Variants in AOPEP observed in about 807,000 individuals in gnomAD.
AOPEP encodes the protein aminopeptidase O (putative).
A neutral mutation model predicts 98.1 loss-of-function variants in AOPEP; 77 were observed. That is an observed-to-expected ratio of 0.78 (90% confidence interval 0.65 to 0.95). AOPEP has a LOEUF of 0.95. Ranked by LOEUF, AOPEP falls within the 40% of genes least tolerant of loss-of-function variation. The probability of loss-of-function intolerance (pLI) is 0.00; values close to 1 mark genes in which losing one functional copy is unlikely to be tolerated. For synonymous variants in AOPEP, 346 were observed against 365.3 expected (o/e 0.95, Z 0.60); for missense variants, 1,024 against 1,024.7 (o/e 1.00, Z 0.01).
At chr9:94,964,619 A>G (rs1032151036) in intron 9 of AOPEP, among the ~76,000 whole-genome samples, 10 of 150,784 alleles carry the variant, frequency 6.6e-5, no homozygotes, top group Admixed American at 2.6e-4. Context: ...AAAAGTTATC[A>G]TTACAAGTAC....
chr9:95,123,146 T>A, the AOPEP span, among the ~76,000 whole-genome samples: 1 of 150,836 alleles, frequency 6.6e-6, no homozygotes, highest in African/African-American at 2.4e-5. Context: ...CAAAAAAAAA[T>A]TTAAAAATTA....
In AOPEP at chr9:94,945,299, T is replaced by A. The variant is rs149663606; in HGVS notation, c.1662-9878T>A. ...ATCAACACAGTGAATTATTTGTTTT[T>A]TTTTAACTGCTGTGAGTATTCCCAG... On this transcript the variant is annotated intron_variant, in intron 7 of 16. Coordinates refer to ENST00000375315, the MANE Select transcript of AOPEP (RefSeq NM_001193329.3). 5.1e-4 allele frequency among the ~76,000 whole-genome samples: 77 copies of A among 152,340 alleles called. 1 individual carries two copies. The East Asian group carries it at 0.015, about 29-fold the overall frequency.
downstream of AOPEP, among the ~76,000 whole-genome samples, chr9:95,087,985 G>A (rs73654515): frequency 1.3e-5 from 2 of 152,122 alleles, no homozygotes; most frequent in African/African-American, 4.8e-5. Context: ...GGGAGGCCTT[G>A]GTCTCCAGAA....
At chr9:95,124,053 G>C in the AOPEP span, among the ~76,000 whole-genome samples, 6 of 137,008 alleles carry the variant, frequency 4.4e-5, no homozygotes, top group African/African-American at 1.7e-4. Flanking sequence ...GCAGTAAACT[G>C]AGATCACATC....
chr9:94,926,253 T>C (rs1188164719), intron 6 of AOPEP, among the ~76,000 whole-genome samples: 3 of 152,174 alleles, frequency 2.0e-5, no homozygotes, highest in Admixed American at 2.0e-4. Flanking sequence ...TAAGTTTACA[T>C]AGAGAAGTAA....
At chr9:95,096,968 G>A in the AOPEP span, among the ~76,000 whole-genome samples, 1 of 152,184 alleles carries the variant, frequency 6.6e-6, no homozygotes, top group Admixed American at 6.5e-5. Context: ...GGTTGGAAGG[G>A]GATTGGGCAA....
chr9:94,783,994 C>T (rs1479769904), intron 3 of AOPEP, among the ~76,000 whole-genome samples: 2 of 152,098 alleles, frequency 1.3e-5, no homozygotes, highest in South Asian at 2.1e-4. Context: ...TTGATATTTC[C>T]GAATGCTTCA....
the AOPEP span, among the ~76,000 whole-genome samples, chr9:95,144,884 TATCTCACATAAGGACCA>T: frequency 6.6e-6 from 1 of 152,190 alleles, no homozygotes; most frequent in East Asian, 1.9e-4. Flanking sequence ...CTTTACTCAG[TATCTCACATAAGGACCA>T]AACATAACGC....
chr9:95,103,585 G>A, the AOPEP span, among the ~76,000 whole-genome samples: 2 of 152,216 alleles, frequency 1.3e-5, no homozygotes, highest in African/African-American at 2.4e-5. Context: ...GCAAGTGGAC[G>A]GCTGGGGCAA....
intron 5 of AOPEP, among the ~76,000 whole-genome samples, chr9:94,814,116 C>T (rs1318495851): frequency 6.6e-6 from 1 of 152,228 alleles, no homozygotes; most frequent in Non-Finnish European, 1.5e-5. Flanking sequence ...ATCTTTCAAA[C>T]TTGCAGTTTA....
intron 13 of AOPEP, among the ~76,000 whole-genome samples, chr9:95,059,044 G>A (rs540374067): frequency 5.3e-5 from 8 of 152,368 alleles, no homozygotes; most frequent in South Asian, 4.1e-4. Flanking sequence ...GAGGCTGGGC[G>A]CCTGGGTTTG....
chr9:95,119,929 C>T, the AOPEP span, among the ~76,000 whole-genome samples: 6 of 152,190 alleles, frequency 3.9e-5, no homozygotes, highest in Admixed American at 1.3e-4. Flanking sequence ...CCAGGCTGGT[C>T]TCCATCTCCT....
At chr9:95,111,324 A>T in the AOPEP span, 1 of 1,596,494 alleles carries the variant, frequency 6.3e-7, no homozygotes, top group South Asian at 1.1e-5. Context: ...CCATGCCTGC[A>T]GGTTGCCATG....
At chr9:95,001,933 A>C (rs927761078) in intron 11 of AOPEP, among the ~76,000 whole-genome samples, 4 of 145,684 alleles carry the variant, frequency 2.7e-5, no homozygotes, top group African/African-American at 1.0e-4. Flanking sequence ...TAACACCACC[A>C]TGCCTGGCTG....
chr9:95,130,444 A>G, the AOPEP span, among the ~76,000 whole-genome samples: 5 of 152,250 alleles, frequency 3.3e-5, no homozygotes, highest in African/African-American at 9.6e-5. Context: ...GAAGGAACAG[A>G]AAAAATTATC....
At chr9:95,018,115 A>G (rs2063157603) in intron 13 of AOPEP, among the ~76,000 whole-genome samples, 1 of 152,176 alleles carries the variant, frequency 6.6e-6, no homozygotes, top group Non-Finnish European at 1.5e-5. Flanking sequence ...GTCTTTGTGT[A>G]GACATATGTT....
chr9:94,953,769 T>G (rs972741046), intron 7 of AOPEP, among the ~76,000 whole-genome samples: 1 of 152,264 alleles, frequency 6.6e-6, no homozygotes, highest in East Asian at 1.9e-4. Flanking sequence ...TTGCCTTCCT[T>G]CACCTCAACA....
chr9:94,745,443 T>C (rs1014495139), intron 1 of AOPEP, among the ~76,000 whole-genome samples: 5 of 151,982 alleles, frequency 3.3e-5, no homozygotes, highest in African/African-American at 1.2e-4. Context: ...GCCCGGCTAA[T>C]TTTTTGTATT....
intron 5 of AOPEP, among the ~76,000 whole-genome samples, chr9:94,830,194 C>G (rs1450396453): frequency 6.6e-6 from 1 of 152,190 alleles, no homozygotes; most frequent in African/African-American, 2.4e-5. Flanking sequence ...TCTCCCTCTC[C>G]CTGCTCCCCG....
Sources: gnomAD v4.1 joint callset for allele counts (sites outside exome capture counted in the v4.1 genomes callset) on GRCh38, gnomAD v4.1.1 for gene constraint, MANE v1.5 for transcripts, NCBI Gene and HGNC (gene_info 2026-07-23, HGNC 2026-07-21) for gene names.